Variants in PATJ observed in about 807,000 individuals in gnomAD.
The protein encoded by PATJ is inaD-like protein.
A neutral mutation model predicts 224.9 loss-of-function variants in PATJ; 190 were observed. That is an observed-to-expected ratio of 0.84 (90% CI 0.75 to 0.95). PATJ has a LOEUF of 0.95. Among genes scored for constraint, PATJ ranks in the 40% least tolerant of loss-of-function variants. The probability of loss-of-function intolerance (pLI) is 0.00; values close to 1 mark genes in which losing one functional copy is unlikely to be tolerated. For missense variants in PATJ, 2,121 were observed against 2,270.3 expected (o/e 0.93, Z 1.34); for synonymous variants, 769 against 820.3 (o/e 0.94, Z 1.07).
intron 27 of PATJ, among the ~76,000 whole-genome samples, chr1:61,970,381 C>T (rs990452977): frequency 2.0e-5 from 3 of 151,948 alleles, no homozygotes; most frequent in African/African-American, 2.4e-5. Flanking sequence ...ATTGACACGT[C>T]ATTATCACCG....
At position 61,791,394 on chromosome 1, in the gene PATJ, A is replaced by G. The variant is rs747986173; in HGVS notation, c.1115A>G (p.Asp372Gly). The G allele has an allele frequency of 7.4e-6, 12 of 1,612,496 alleles. No individual in the cohort carries two copies. The highest frequency in any genetic ancestry group is 1.0e-5 in the Non-Finnish European group (12 of 1,178,808). ...TATAATGTTGAGCTTGTGAGAAAAG[A>G]TGGGCAGAGTCTTGGAATTAGAATT... ...ETYNVELVRK[D>G]GQSLGIRIVG... The change falls in exon 9 of 44, where the codon GAT becomes GGT. Residue 372 changes from aspartate (D) to glycine (G), a missense_variant. Transcript: ENST00000642238.
intron 27 of PATJ, chr1:61,952,165 A>T (rs866544667): frequency 5.0e-5 from 24 of 477,604 alleles, no homozygotes; most frequent in Non-Finnish European, 7.9e-5. Context: ...GTGACTGTTT[A>T]GCTTGAGGAC....
chr1:61,929,170 A>G (rs1188476274), intron 27 of PATJ, among the ~76,000 whole-genome samples: 2 of 152,214 alleles, frequency 1.3e-5, no homozygotes, highest in Non-Finnish European at 2.9e-5. Context: ...TCTGATATAG[A>G]TATCATGTCA....
chr1:62,121,625 C>T lies in PATJ; in HGVS notation c.5005+330C>T, dbSNP rs535998248. Among the ~76,000 whole-genome samples the T allele has an allele frequency of 7.9e-5, 12 of 151,976 alleles. No individual in the cohort carries two copies. In the South Asian group the frequency reaches 1.7e-3, roughly 21 times the overall value. On this transcript the variant is annotated intron_variant, in intron 38 of 43. Transcript: ENST00000642238. Reference sequence around the variant, plus strand: ...TATTAAAATACAAAAAAAAATTAGCCGGGCGTGGTGGCATACGCCTGTAGT... The same window carrying T: ...TATTAAAATACAAAAAAAAATTAGCTGGGCGTGGTGGCATACGCCTGTAGT...
intron 16 of PATJ, among the ~76,000 whole-genome samples, chr1:61,829,520 T>C (rs986243209): frequency 2.6e-5 from 4 of 152,228 alleles, no homozygotes; most frequent in Non-Finnish European, 5.9e-5. Flanking sequence ...GAACAACAGC[T>C]TTGAATCATG....
At chr1:62,135,515 C>CAAAA (rs4019805) in intron 41 of PATJ, among the ~76,000 whole-genome samples, 1 of 83,782 alleles carries the variant, frequency 1.2e-5, no homozygotes, top group Non-Finnish European at 2.2e-5. Context: ...GACTCCGTCT[C>CAAAA]AAAAAAAAAA....
At chr1:61,895,141 T>G (rs560885884) in intron 22 of PATJ, among the ~76,000 whole-genome samples, 1 of 152,288 alleles carries the variant, frequency 6.6e-6, no homozygotes, top group East Asian at 1.9e-4. Flanking sequence ...CACAAAGAGA[T>G]GGTTTGAAAT....
chr1:61,899,847 A>G (rs909917673), intron 23 of PATJ, among the ~76,000 whole-genome samples, 193 bp downstream of exon 23: 13 of 152,226 alleles, frequency 8.5e-5, no homozygotes, highest in African/African-American at 3.1e-4. Context: ...GACTGTAACT[A>G]ATATTAGGAA....
intron 26 of PATJ, among the ~76,000 whole-genome samples, chr1:61,924,904 T>C (rs1674879348): frequency 6.6e-6 from 1 of 151,936 alleles, no homozygotes; most frequent in South Asian, 2.1e-4. Flanking sequence ...ACCCAAGACA[T>C]GTTCTTGTAC....
chr1:61,751,235 C>G (rs902123012), intron 1 of PATJ, among the ~76,000 whole-genome samples: 2 of 151,928 alleles, frequency 1.3e-5, no homozygotes, highest in African/African-American at 4.8e-5. Flanking sequence ...CTCCTGGCCT[C>G]AAGTGATCCG....
At chr1:62,069,917 A>G (rs950019791) in intron 31 of PATJ, among the ~76,000 whole-genome samples, 3 of 152,244 alleles carry the variant, frequency 2.0e-5, no homozygotes, top group Non-Finnish European at 4.4e-5. Context: ...TCCAAACACT[A>G]TTACTGCTAG....
intron 1 of PATJ, among the ~76,000 whole-genome samples, chr1:61,744,514 C>G (rs959827721): frequency 4.6e-5 from 7 of 151,652 alleles, no homozygotes; most frequent in African/African-American, 1.7e-4. Flanking sequence ...AAGATAATAA[C>G]AAAGTTAATA....
At chr1:62,006,359 AC>A (rs955636915) in intron 28 of PATJ, among the ~76,000 whole-genome samples, 4 of 151,950 alleles carry the variant, frequency 2.6e-5, no homozygotes, top group African/African-American at 7.3e-5. Context: ...CAGGCAATCC[AC>A]CCGCCTTGGC....
chr1:61,839,838 C>T (rs1319765751), intron 17 of PATJ, among the ~76,000 whole-genome samples: 1 of 151,916 alleles, frequency 6.6e-6, no homozygotes, highest in Non-Finnish European at 1.5e-5. Context: ...TTTGCCAAAG[C>T]TGATATTTTT....
chr1:61,778,869 T>C (rs1461185719), intron 7 of PATJ, among the ~76,000 whole-genome samples: 1 of 151,946 alleles, frequency 6.6e-6, no homozygotes, highest in Non-Finnish European at 1.5e-5. Flanking sequence ...CCTGGCTAAT[T>C]TTTACATTTT....
intron 17 of PATJ, among the ~76,000 whole-genome samples, chr1:61,848,531 C>T (rs770474582): frequency 6.6e-6 from 1 of 152,036 alleles, no homozygotes; most frequent in Non-Finnish European, 1.5e-5. Flanking sequence ...GTACCCAGTT[C>T]CTCCTTTTGC....
intron 1 of PATJ, among the ~76,000 whole-genome samples, chr1:61,757,085 T>TC (rs1344305810): frequency 2.0e-5 from 3 of 150,432 alleles, no homozygotes; most frequent in Non-Finnish European, 4.4e-5. Context: ...TTTTACTTTT[T>TC]TTTTTTTTTT....
chr1:62,043,452 G>GATA (rs1294579951), intron 30 of PATJ, among the ~76,000 whole-genome samples: 1 of 152,028 alleles, frequency 6.6e-6, no homozygotes, highest in Non-Finnish European at 1.5e-5. Flanking sequence ...AAATGGGTTT[G>GATA]ATAATAATAA....
chr1:61,802,019 G>T (rs1267235091), intron 12 of PATJ, among the ~76,000 whole-genome samples: 3 of 149,264 alleles, frequency 2.0e-5, no homozygotes, highest in African/African-American at 7.4e-5. Flanking sequence ...CATGTGCAAT[G>T]TTAGTGTGCT....
Sources: allele counts gnomAD v4.1 joint callset (sites outside exome capture counted in the v4.1 genomes callset), GRCh38; gene constraint gnomAD v4.1.1; transcripts MANE v1.5; gene names NCBI Gene and HGNC (gene_info 2026-07-23, HGNC 2026-07-21).